The following C3 variants were observed in gnomAD, a reference collection of about 807,000 sequenced individuals.
The protein encoded by C3 is C3 and PZP-like alpha-2-macroglobulin domain-containing protein 1.
C3 carries 97 observed loss-of-function variants against 207.9 expected under a neutral mutation model. The ratio of observed to expected loss-of-function variants is 0.47; its 90% confidence interval spans 0.40 to 0.55. C3 has a LOEUF of 0.55. C3 is among the 20% of genes least tolerant of loss of function. The pLI is 0.00. For missense variants in C3, 1,684 were observed against 2,171.7 expected, an observed-to-expected ratio of 0.78 and a Z score of 4.46; for synonymous variants, 848 against 857.6, an observed-to-expected ratio of 0.99 and a Z score of 0.20.
intron 27 of C3, among the ~76,000 whole-genome samples, chr19:6,688,902 C>T (rs572207144): frequency 4.6e-5 from 7 of 152,152 alleles, no homozygotes; most frequent in Non-Finnish European, 1.0e-4. Context: ...GTCATCTGAC[C>T]CAGGCTGAGC....
In C3 at chr19:6,694,623, C is replaced by A; in HGVS notation, c.2962G>T (p.Ala988Ser). 1.9e-6 allele frequency: 3 copies of A among 1,612,162 alleles called. No homozygotes were observed. The highest frequency in any genetic ancestry group is 2.5e-6 in the Non-Finnish European group (3 of 1,179,704). ...TRILLQGTPV[A>S]QMTEDAVDAE... ...TCGACGGCATCCTCTGTCATCTGGG[C>A]CACTGGGGTCCCTGCAGCAGGTGGG... The change falls in exon 24 of 41, where the codon GCC (alanine) becomes TCC (serine). Residue 988 changes from alanine (A) to serine (S), a missense_variant. Ala to Ser is a moderately conservative substitution (Grantham distance 99). This residue lies in a region of C3 where 1,280 missense variants were observed against 1,739.1 expected (regional missense o/e 0.74). Transcript: ENST00000245907.
rs748955907 is a variant in C3, at chr19:6,678,356, G to C, written c.4714+16C>G. 2 of 1,614,164 alleles carry C rather than the reference G, an allele frequency of 1.2e-6. No individual in the cohort carries two copies. Among genetic ancestry groups the C allele is most frequent in the South Asian group, 2.2e-5 (2 of 91,086 alleles). On this transcript the variant is annotated intron_variant, in intron 39 of 40. Coordinates refer to ENST00000245907, the MANE Select transcript of C3 (RefSeq NM_000064.4). ...AGCCAGGGAAGAGCCACGGGAGGCA[G>C]CGTGCTGAGCCTGACCTGACTTGAT...
At chr19:6,712,132 A>G (rs1251275298) in intron 11 of C3, 125 bp downstream of exon 11, 4 of 1,271,820 alleles carry the variant, frequency 3.1e-6, no homozygotes, top group Non-Finnish European at 4.5e-6. Context: ...CCCTCTGCGC[A>G]GGAGAGAACC....
Position 6,713,173 on chromosome 19 carries a change from T to G in C3, c.1003+16A>C. On this transcript the variant is annotated intron_variant, in intron 9 of 40. Coordinates refer to ENST00000245907, the MANE Select transcript of C3 (RefSeq NM_000064.4). The stretch of plus-strand genomic sequence containing the variant: ...CACTTGGTGGTCCTGAGCCTGGCCT[T>G]CAGACTGGGCCTCACCTGAGTGCAA... 1 of 1,613,648 alleles carries G rather than the reference T, an allele frequency of 6.2e-7. No homozygotes were observed. The highest frequency in any genetic ancestry group is 8.5e-7 in the Non-Finnish European group (1 of 1,179,980).
Position 6,700,516 on chromosome 19 carries a change from A to AATATATAATATATGATATATT in C3, c.2440+1610_2440+1611insAATATATCATATATTATATAT, listed in dbSNP as rs1284469527. Among the ~76,000 whole-genome samples the AATATATAATATATGATATATT allele has an allele frequency of 7.4e-5, 2 of 26,898 alleles. 1 individual carries two copies. Among genetic ancestry groups the AATATATAATATATGATATATT allele is most frequent in the African/African-American group, 5.9e-4 (2 of 3,382 alleles). 17.6% of individuals were successfully genotyped at this position (26,898 alleles called of 152,430 possible). On this transcript the variant is annotated intron_variant, in intron 19 of 40. Coordinates refer to ENST00000245907, the MANE Select transcript of C3 (RefSeq NM_000064.4). Reference sequence around the variant, plus strand: ...ATGATATATTATATATGTAATATATAATATATGTAATATGATATATTATAT... The same window carrying AATATATAATATATGATATATT: ...ATGATATATTATATATGTAATATATAATATATAATATATGATATATTATATATGTAATATGATATATTATAT...
chr19:6,711,587 A>C (rs369651412), intron 11 of C3, among the ~76,000 whole-genome samples: 100 of 152,260 alleles, frequency 6.6e-4, no homozygotes, highest in Admixed American at 8.5e-4. Context: ...TAGACCCATA[A>C]ATGTGTGTTG....
chr19:6,682,314 G>T, intron 33 of C3, 85 bp from the exon 34 acceptor site: 2 of 965,780 alleles, frequency 2.1e-6, no homozygotes, highest in South Asian at 1.3e-5. Context: ...GTCTGATCAG[G>T]CACTGAGACT....
Position 6,720,614 on chromosome 19 carries a change from AG to A in C3, c.-26del. 6.7e-7 allele frequency: 1 copy of A among 1,496,208 alleles called. No homozygotes were observed. Among genetic ancestry groups the A allele is most frequent in the East Asian group, 2.4e-5 (1 of 41,440 alleles). 92.7% of individuals were successfully genotyped at this position (1,496,208 alleles called of 1,614,324 possible). Reference sequence around the variant, plus strand: ...TGGTGCTGGGACAGTGCAGGGTCAGAGGGACAGAGGGACAGAGGGAGAGGAT... The same window carrying A: ...TGGTGCTGGGACAGTGCAGGGTCAGAGGACAGAGGGACAGAGGGAGAGGAT... On this transcript the variant is annotated 5_prime_UTR_variant, in exon 1 of 41. Coordinates refer to ENST00000245907, the MANE Select transcript of C3 (RefSeq NM_000064.4).
chr19:6,715,683 G>A (rs1049190295), intron 4 of C3, among the ~76,000 whole-genome samples: 4 of 149,980 alleles, frequency 2.7e-5, no homozygotes, highest in South Asian at 2.1e-4. Context: ...GTGTAATGGC[G>A]AGATCTCGGC....
At chr19:6,691,075 G>C (rs62125103) in intron 26 of C3, among the ~76,000 whole-genome samples, 1 of 117,188 alleles carries the variant, frequency 8.5e-6, no homozygotes, top group African/African-American at 3.0e-5. Context: ...TTTTTTTTGG[G>C]ACAGTTTTGC....
chr19:6,684,531 G>A, intron 32 of C3, 29 bp downstream of exon 32: 2 of 1,590,638 alleles, frequency 1.3e-6, no homozygotes, highest in Non-Finnish European at 1.7e-6. Context: ...TAGGAGGAAG[G>A]TGACAGATAA....
rs1270509073 is a variant in C3 at position 6,702,014 on chromosome 19, C to G, written c.2440+113G>C. ...AACAACACCTCTGTGGTAACCAGGG[C>G]AGAGAATAAAGTGCCAAGAAACATA... On this transcript the variant is annotated intron_variant, in intron 19 of 40. Coordinates refer to ENST00000245907, the MANE Select transcript of C3 (RefSeq NM_000064.4). 1.6e-5 allele frequency: 12 copies of G among 732,234 alleles called. 1 individual carries two copies. Among genetic ancestry groups the G allele is most frequent in the Middle Eastern group, 3.5e-4 (1 of 2,826 alleles). 45.4% of individuals were successfully genotyped at this position (732,234 alleles called of 1,614,324 possible). A position where few individuals can be genotyped will look rare whatever the true frequency, so the allele number is the denominator to read the frequency against.
At position 6,680,153 on chromosome 19, in the gene C3, C is replaced by A. The variant is rs1917823178; in HGVS notation, c.4456+5G>T. 1 of 1,575,542 alleles carries A rather than the reference C, an allele frequency of 6.3e-7. No individual in the cohort carries two copies. The highest frequency in any genetic ancestry group is 8.7e-7 in the Non-Finnish European group (1 of 1,145,236). ...CAGACCCCAGGCCCTAGGTTGGCTGCTCACCCAGGTTGTAATAGGCGTAGA... is the reference window on the plus strand; with the variant it reads ...CAGACCCCAGGCCCTAGGTTGGCTGATCACCCAGGTTGTAATAGGCGTAGA... On this transcript the variant is annotated splice_donor_5th_base_variant and intron_variant, in intron 36 of 40. Transcript: ENST00000245907.
intron 13 of C3, among the ~76,000 whole-genome samples, 172 bp downstream of exon 13, chr19:6,710,465 AAG>A (rs1226662966): frequency 4.0e-5 from 6 of 148,732 alleles, no homozygotes; most frequent in East Asian, 2.1e-4. Flanking sequence ...GAGAGATAAA[AAG>A]AGAGACAGTT....
chr19:6,708,602 C>T (rs929499975), intron 14 of C3, among the ~76,000 whole-genome samples: 1 of 149,778 alleles, frequency 6.7e-6, no homozygotes, highest in African/African-American at 2.5e-5. Flanking sequence ...ATTCTTCACT[C>T]CCTCCCTCCC....
In C3 at chr19:6,693,447, G is replaced by C. The variant is rs750180049; in HGVS notation, c.3195C>G (p.Ala1065=). The change falls in exon 25 of 41, where the codon GCC becomes GCG. Residue 1065 remains alanine, a synonymous_variant. Coordinates refer to ENST00000245907, the MANE Select transcript of C3 (RefSeq NM_000064.4). ...QQLAFRQPSS[A]FAAFVKRAPS... Reference sequence around the variant, plus strand: ...GTGCCCGTTTCACGAAGGCCGCAAAGGCAGAGCTGGGTTGTCTGAAGGCCA... The same window carrying C: ...GTGCCCGTTTCACGAAGGCCGCAAACGCAGAGCTGGGTTGTCTGAAGGCCA... 1.2e-6 allele frequency: 2 copies of C among 1,612,700 alleles called. No homozygotes were observed. The highest frequency in any genetic ancestry group is 2.2e-5 in the South Asian group (2 of 90,790).
chr19:6,695,195 G>A (rs770517565), intron 23 of C3, among the ~76,000 whole-genome samples: 8 of 151,392 alleles, frequency 5.3e-5, no homozygotes, highest in East Asian at 2.0e-4. Flanking sequence ...ACTTGAACCC[G>A]GGAGGCTGGG....
rs776857497 is a variant in C3, at chr19:6,713,482, T to A, written c.801A>T (p.Gly267=). The change falls in exon 8 of 41, where the codon GGA becomes GGT. Residue 267 remains glycine (G), a synonymous_variant. Transcript: ENST00000245907. ...ARFLYGKKVE[G]TAFVIFGIQD... ...GGATCCCGAAGATGACAAAGGCAGT[T>A]CCCTCCACTTTCTTCCCGTAGAGGA... 1 of 1,613,768 alleles carries A rather than the reference T, an allele frequency of 6.2e-7. No individual in the cohort carries two copies. Among genetic ancestry groups the A allele is most frequent in the Non-Finnish European group, 8.5e-7 (1 of 1,179,864 alleles).
At chr19:6,712,207 C>T in intron 11 of C3, 50 bp downstream of exon 11, 1 of 1,609,758 alleles carries the variant, frequency 6.2e-7, no homozygotes, top group Non-Finnish European at 8.5e-7. Context: ...CACCAGAACC[C>T]CTGTACCGTC....
Sources: allele counts gnomAD v4.1 joint callset (sites outside exome capture counted in the v4.1 genomes callset), GRCh38; gene constraint gnomAD v4.1.1; regional missense constraint gnomAD v4.1.1; transcripts MANE v1.5; gene names NCBI Gene and HGNC (gene_info 2026-07-23, HGNC 2026-07-21).